Variants in POC5 observed in about 807,000 individuals in gnomAD.
POC5 encodes the protein centrosomal protein POC5.
Under a neutral mutation model 62.9 loss-of-function variants are expected in POC5, and 48 were observed. The ratio of observed to expected loss-of-function variants is 0.76; its 90% CI spans 0.61 to 0.97. POC5 has a LOEUF of 0.97. Ranked by LOEUF, POC5 falls within the 50% of genes least tolerant of loss-of-function variation. POC5 has a pLI of 0.00. For missense variants in POC5, 696 were observed against 679.5 expected, an observed-to-expected ratio of 1.02 and a Z score of -0.27; for synonymous variants, 236 against 228.2, an observed-to-expected ratio of 1.03 and a Z score of -0.31.
chr5:75,691,203 C>G (rs1186491526), intron 7 of POC5, among the ~76,000 whole-genome samples: 3 of 152,122 alleles, frequency 2.0e-5, no homozygotes, highest in Admixed American at 2.0e-4. Context: ...AATATGTATT[C>G]TCATTATTTC....
At chr5:75,713,621 C>T (rs1275465368) in intron 1 of POC5, among the ~76,000 whole-genome samples, 1 of 152,074 alleles carries the variant, frequency 6.6e-6, no homozygotes, top group Non-Finnish European at 1.5e-5. Flanking sequence ...GAATAAACTG[C>T]TGATAGGCCC....
At chr5:75,690,799 T>C (rs1263959656) in intron 7 of POC5, among the ~76,000 whole-genome samples, 1 of 152,214 alleles carries the variant, frequency 6.6e-6, no homozygotes, top group Non-Finnish European at 1.5e-5. Flanking sequence ...TGAGCTCTTA[T>C]CCATTACATC....
intron 5 of POC5, 144 bp from the exon 6 acceptor site, chr5:75,694,975 A>G: frequency 1.7e-6 from 1 of 598,052 alleles, no homozygotes; most frequent in Non-Finnish European, 2.8e-6. Flanking sequence ...ATTAATGAAA[A>G]ACATATGTAA....
chr5:75,688,640 A>T (rs1776192105), intron 9 of POC5, among the ~76,000 whole-genome samples: 1 of 152,230 alleles, frequency 6.6e-6, no homozygotes, highest in Admixed American at 6.5e-5. Flanking sequence ...ATACTTACCA[A>T]AATAGTCCAA....
chr5:75,685,184 G>A, intron 10 of POC5, 23 bp downstream of exon 10: 1 of 1,575,824 alleles, frequency 6.3e-7, no homozygotes, highest in South Asian at 1.2e-5. Flanking sequence ...TCATAAGGTG[G>A]GACCTGTATA....
At chr5:75,715,926 G>T (rs1742511106) in intron 1 of POC5, among the ~76,000 whole-genome samples, 1 of 152,278 alleles carries the variant, frequency 6.6e-6, no homozygotes. Flanking sequence ...GAAGAAAATA[G>T]AATTAGATGC....
rs73766007 is a variant in POC5, at chr5:75,712,556, T to A, written c.84+298A>T. On this transcript the variant is annotated intron_variant, in intron 2 of 11. Transcript: ENST00000428202. Reference sequence around the variant, plus strand: ...GAAAGTAGCATTCATGAGAGGTAGCTAAAATGAAAAAAATTTAAACAAAAA... The same window carrying A: ...GAAAGTAGCATTCATGAGAGGTAGCAAAAATGAAAAAAATTTAAACAAAAA... 2.2e-3 allele frequency: 2,463 copies of A among 1,122,304 alleles called. 27 individuals are homozygous for A. The African/African-American group carries it at 0.027, about 12-fold the overall frequency. 69.5% of individuals were successfully genotyped at this position (1,122,304 alleles called of 1,614,324 possible).
chr5:75,686,294 G>A (rs1160370956), intron 9 of POC5, among the ~76,000 whole-genome samples: 1 of 152,178 alleles, frequency 6.6e-6, no homozygotes, highest in Admixed American at 6.5e-5. Flanking sequence ...ACAGTGTGGT[G>A]AGGGTTTAGA....
At chr5:75,704,487 G>A (rs1239160706) in intron 4 of POC5, among the ~76,000 whole-genome samples, 1 of 152,064 alleles carries the variant, frequency 6.6e-6, no homozygotes, top group Non-Finnish European at 1.5e-5. Flanking sequence ...ACAAGGTCTG[G>A]GCTAGTCATA....
intron 10 of POC5, among the ~76,000 whole-genome samples, chr5:75,681,978 A>G (rs936240871): frequency 9.2e-5 from 14 of 152,242 alleles, no homozygotes; most frequent in African/African-American, 3.1e-4. Flanking sequence ...TGAGTATTTC[A>G]ACTATATAAG....
chr5:75,698,188 G>A (rs1252473853), intron 5 of POC5, among the ~76,000 whole-genome samples: 1 of 136,942 alleles, frequency 7.3e-6, no homozygotes, highest in Non-Finnish European at 1.6e-5. Flanking sequence ...GGATACCCAG[G>A]AATTGAACTC....
At position 75,689,048 on chromosome 5, in the gene POC5, C is replaced by T. The variant is rs1357556943; in HGVS notation, c.1093G>A (p.Glu365Lys). ...CTGTTTTGAAATATAGTCATGGCTT[C>T]AAGATTTAATGCACATACACCCCTC... ...FMRGVCALNL[E>K]AMTIFQNRND... The change falls in exon 9 of 12, where the codon GAA becomes AAA. Residue 365 changes from glutamate to lysine, a missense_variant. By Grantham distance (56) the Glu-to-Lys change is moderately conservative (BLOSUM62 1). Coordinates refer to ENST00000428202, the MANE Select transcript of POC5 (RefSeq NM_001099271.2). 1 of 1,593,742 alleles carries T rather than the reference C, an allele frequency of 6.3e-7. No homozygotes were observed. Among genetic ancestry groups the T allele is most frequent in the Non-Finnish European group, 8.5e-7 (1 of 1,171,160 alleles).
chr5:75,688,154 G>A (rs1238437776), intron 9 of POC5, among the ~76,000 whole-genome samples: 1 of 152,144 alleles, frequency 6.6e-6, no homozygotes, highest in Admixed American at 6.5e-5. Flanking sequence ...GCACAGAGAA[G>A]TTATTCATTG....
chr5:75,675,372 G>A (rs898674410), intron 11 of POC5, among the ~76,000 whole-genome samples: 2 of 152,126 alleles, frequency 1.3e-5, no homozygotes, highest in Non-Finnish European at 2.9e-5. Flanking sequence ...TCACTGACTA[G>A]GACATGTCAA....
At chr5:75,714,790 C>T (rs938541774) in intron 1 of POC5, among the ~76,000 whole-genome samples, 1 of 152,114 alleles carries the variant, frequency 6.6e-6, no homozygotes, top group Non-Finnish European at 1.5e-5. Flanking sequence ...TAGTGCGCTA[C>T]TCCAAGAACT....
chr5:75,698,651 A>G (rs1030288759), intron 5 of POC5, among the ~76,000 whole-genome samples: 4 of 152,178 alleles, frequency 2.6e-5, no homozygotes, highest in African/African-American at 9.7e-5. Flanking sequence ...CTTCACAATT[A>G]AAAGAACTAG....
At chr5:75,712,737 A>C (rs1777401475) in intron 2 of POC5, 117 bp downstream of exon 2, 1 of 827,378 alleles carries the variant, frequency 1.2e-6, no homozygotes, top group Non-Finnish European at 1.9e-6. Context: ...ATATTATTAT[A>C]AATTGAAAAA....
At chr5:75,708,052 A>G (rs527601167) in intron 2 of POC5, among the ~76,000 whole-genome samples, 177 bp from the exon 3 acceptor site, 1 of 152,264 alleles carries the variant, frequency 6.6e-6, no homozygotes, top group South Asian at 2.1e-4. Context: ...TGTGATTTTT[A>G]TATTTATGAT....
chr5:75,677,180 T>C (rs1368957202), intron 11 of POC5, among the ~76,000 whole-genome samples: 1 of 152,218 alleles, frequency 6.6e-6, no homozygotes, highest in Admixed American at 6.5e-5. Flanking sequence ...TTTGTATATA[T>C]CACAAAGCCA....
Sources: allele counts gnomAD v4.1 joint callset (sites outside exome capture counted in the v4.1 genomes callset), GRCh38; gene constraint gnomAD v4.1.1; transcripts MANE v1.5; gene names NCBI Gene and HGNC (gene_info 2026-07-23, HGNC 2026-07-21).